The following PDCD6IP variants were observed in gnomAD, a reference collection of about 807,000 sequenced individuals.
PDCD6IP encodes the protein programmed cell death 6-interacting protein.
A neutral mutation model predicts 103.7 loss-of-function variants in PDCD6IP; 43 were observed. That is an observed-to-expected ratio of 0.41 (90% CI 0.32 to 0.53). The LOEUF (loss-of-function observed/expected upper bound fraction) is 0.53. Ranked by LOEUF, PDCD6IP falls within the 20% of genes least tolerant of loss-of-function variation. The pLI, the probability that PDCD6IP is intolerant of heterozygous loss-of-function variation, is 0.16. For missense variants in PDCD6IP, 871 were observed against 1,036.7 expected (o/e 0.84, Z 2.20); for synonymous variants, 354 against 378.7 (o/e 0.93, Z 0.76).
At chr3:33,801,455 A>C (rs1013950540) in intron 1 of PDCD6IP, among the ~76,000 whole-genome samples, 1 of 152,194 alleles carries the variant, frequency 6.6e-6, no homozygotes, top group African/African-American at 2.4e-5. Context: ...TTCTATTAAA[A>C]TTTCCTAAAA....
At chr3:33,837,109 G>A (rs1022297982) in intron 8 of PDCD6IP, among the ~76,000 whole-genome samples, 2 of 151,816 alleles carry the variant, frequency 1.3e-5, no homozygotes, top group South Asian at 2.1e-4. Flanking sequence ...TAGTAGAGAC[G>A]GGGTTTCTCC....
chr3:33,852,572 G>C lies in PDCD6IP; in HGVS notation c.1726G>C (p.Val576Leu), dbSNP rs372455933. 4.4e-6 allele frequency: 7 copies of C among 1,586,340 alleles called. No individual in the cohort carries two copies. Among genetic ancestry groups the C allele is most frequent in the Non-Finnish European group, 6.0e-6 (7 of 1,171,288 alleles). The change falls in exon 13 of 18, where the codon GTG (valine) becomes CTG (leucine). Residue 576 changes from valine (V) to leucine (L), a missense_variant. Around this residue, in one of 5 missense-constraint regions of PDCD6IP, gnomAD observed 266 missense variants for 390.5 expected, o/e 0.68. Coordinates refer to ENST00000307296, the MANE Select transcript of PDCD6IP (RefSeq NM_013374.6). ...REGLENDLKS[V>L]NFDMTSKFLT... ...GGGTCTGGAGAATGACTTGAAATCT[G>C]TGAATTTTGACATGACAAGCAAGTT... is the stretch of plus-strand genomic sequence containing the variant.
intron 1 of PDCD6IP, 131 bp downstream of exon 1, chr3:33,799,068 G>T: frequency 3.5e-6 from 3 of 865,916 alleles, no homozygotes; most frequent in Non-Finnish European, 5.2e-6. Context: ...CAGGCGCGTA[G>T]GTGTGGTCTG....
intron 1 of PDCD6IP, among the ~76,000 whole-genome samples, chr3:33,806,027 G>A (rs2125542488): frequency 6.6e-6 from 1 of 152,264 alleles, no homozygotes; most frequent in Non-Finnish European, 1.5e-5. Context: ...TTACAGGCGT[G>A]TGCCACCGTG....
intron 1 of PDCD6IP, among the ~76,000 whole-genome samples, chr3:33,800,118 TCAAAAAAA>T (rs1696439514): frequency 4.8e-5 from 2 of 41,550 alleles, no homozygotes. Context: ...AGACTCCATC[TCAAAAAAA>T]AAAAAAAAAA....
At position 33,853,945 on chromosome 3, in the gene PDCD6IP, T is replaced by A. The variant is rs1449474873; in HGVS notation, c.1957T>A (p.Leu653Met). 6.3e-7 allele frequency: 1 copy of A among 1,589,580 alleles called. No homozygotes were observed. The highest frequency in any genetic ancestry group is 2.3e-5 in the East Asian group (1 of 43,284). Reference sequence around the variant, plus strand: ...TGAAGCTAACTTAAGAGAAGAAGTTTTGAAGAATTTAGCTACTGCATATGA... The same window carrying A: ...TGAAGCTAACTTAAGAGAAGAAGTTATGAAGAATTTAGCTACTGCATATGA... ...NNEANLREEVLKNLATAYDNF... is the reference protein window; with the variant it reads ...NNEANLREEVMKNLATAYDNF... The change falls in exon 14 of 18, where the codon TTG (leucine) becomes ATG (methionine). Residue 653 changes from leucine to methionine, a missense_variant. Coordinates refer to ENST00000307296, the MANE Select transcript of PDCD6IP (RefSeq NM_013374.6).
chr3:33,865,895 C>T (rs2125455640), intron 17 of PDCD6IP, among the ~76,000 whole-genome samples: 1 of 152,256 alleles, frequency 6.6e-6, no homozygotes, highest in East Asian at 1.9e-4. Flanking sequence ...AAAATCCAAA[C>T]ATTTGACTAC....
intron 12 of PDCD6IP, among the ~76,000 whole-genome samples, chr3:33,851,321 A>T (rs918882343): frequency 6.6e-6 from 1 of 151,830 alleles, no homozygotes; most frequent in Non-Finnish European, 1.5e-5. Context: ...TGGTGGTCTT[A>T]GCAAAGTATG....
intron 7 of PDCD6IP, 45 bp from the exon 8 acceptor site, chr3:33,835,999 C>T: frequency 9.6e-7 from 1 of 1,046,176 alleles, no homozygotes; most frequent in Non-Finnish European, 1.4e-6. Context: ...GAAATAAAAT[C>T]ACCTCCCTCT....
At chr3:33,813,319 A>G (rs78347817) in intron 2 of PDCD6IP, 6,075 of 359,128 alleles carry the variant, frequency 0.017, 77 homozygotes, top group South Asian at 0.028. Flanking sequence ...ATAAAGATGA[A>G]TAAGATAGTG....
chr3:33,849,136 A>G (rs1697660317), intron 12 of PDCD6IP, among the ~76,000 whole-genome samples: 2 of 152,236 alleles, frequency 1.3e-5, no homozygotes, highest in African/African-American at 4.8e-5. Context: ...TCTGAAAGAC[A>G]AAGTATTGAC....
intron 3 of PDCD6IP, among the ~76,000 whole-genome samples, chr3:33,817,341 A>G (rs1244495131): frequency 6.6e-6 from 1 of 152,252 alleles, no homozygotes; most frequent in Non-Finnish European, 1.5e-5. Context: ...ATACCAAAAA[A>G]TAAATTCTGG....
intron 1 of PDCD6IP, among the ~76,000 whole-genome samples, chr3:33,805,530 G>T (rs1166670464): frequency 6.6e-6 from 1 of 151,784 alleles, no homozygotes; most frequent in Non-Finnish European, 1.5e-5. Context: ...GATCTCCTGG[G>T]CTCAAGCAAT....
intron 8 of PDCD6IP, 141 bp downstream of exon 8, chr3:33,836,407 A>C (rs7355916): frequency 0.022 from 13,448 of 604,370 alleles, 184 homozygotes; most frequent in African/African-American, 0.046. Flanking sequence ...ATGAGAATAA[A>C]TATTGTGCCA....
At chr3:33,817,854 T>A (rs1696889367) in intron 3 of PDCD6IP, among the ~76,000 whole-genome samples, 1 of 151,776 alleles carries the variant, frequency 6.6e-6, no homozygotes, top group South Asian at 2.1e-4. Context: ...AAAGGAAAAT[T>A]AAATATTGTT....
At chr3:33,861,125 A>G (rs181144936) in intron 15 of PDCD6IP, among the ~76,000 whole-genome samples, 7 of 151,184 alleles carry the variant, frequency 4.6e-5, no homozygotes, top group African/African-American at 7.3e-5. Flanking sequence ...TTTTCACACT[A>G]AGTCTTAGAA....
chr3:33,830,703 C>G (rs1697226201), intron 7 of PDCD6IP, among the ~76,000 whole-genome samples: 1 of 151,942 alleles, frequency 6.6e-6, no homozygotes, highest in South Asian at 2.1e-4. Context: ...TAGTGACACC[C>G]CTTCTCAAAA....
At chr3:33,803,710 T>A (rs1210705432) in intron 1 of PDCD6IP, among the ~76,000 whole-genome samples, 2 of 152,160 alleles carry the variant, frequency 1.3e-5, no homozygotes, top group African/African-American at 2.4e-5. Context: ...TTTTCCTCCC[T>A]CAGATTTGCC....
intron 12 of PDCD6IP, among the ~76,000 whole-genome samples, chr3:33,850,390 T>C (rs1697687613): frequency 6.6e-6 from 1 of 152,182 alleles, no homozygotes; most frequent in Admixed American, 6.5e-5. Context: ...AAAATGTTCA[T>C]GATTCAAAAG....
Sources: allele counts gnomAD v4.1 joint callset (sites outside exome capture counted in the v4.1 genomes callset), GRCh38; gene constraint gnomAD v4.1.1; regional missense constraint gnomAD v4.1.1; transcripts MANE v1.5; gene names NCBI Gene and HGNC (gene_info 2026-07-23, HGNC 2026-07-21).